The following RIF1 variants were observed in gnomAD, a reference collection of about 807,000 sequenced individuals.
RIF1 encodes telomere-associated protein RIF1.
RIF1 carries 45 observed loss-of-function variants against 247.1 expected under a neutral mutation model. That is an observed-to-expected ratio of 0.18 (90% CI 0.14 to 0.23). The LOEUF is 0.23. RIF1 is among the 10% of genes least tolerant of loss of function. The probability of loss-of-function intolerance (pLI) is 1.00; values close to 1 mark genes in which losing one functional copy is unlikely to be tolerated. For missense variants in RIF1, 2,967 were observed against 2,862.5 expected (o/e 1.04, Z -0.83); for synonymous variants, 1,087 against 978.8 (o/e 1.11, Z -2.06).
At chr2:151,446,628 C>G (rs561548675) in intron 20 of RIF1, 53 bp downstream of exon 20, 20 of 1,545,576 alleles carry the variant, frequency 1.3e-5, no homozygotes, top group Non-Finnish European at 1.8e-5. Flanking sequence ...GGATTCTTTT[C>G]AAGTAAATGG....
At chr2:151,518,283 T>C in the RIF1 span, 1 of 1,424,524 alleles carries the variant, frequency 7.0e-7, no homozygotes, top group Non-Finnish European at 9.9e-7. Context: ...TGGATGAATG[T>C]GCGCCAGAGG....
At chr2:151,446,708 A>C in intron 20 of RIF1, 133 bp downstream of exon 20, 1 of 899,622 alleles carries the variant, frequency 1.1e-6, no homozygotes, top group Non-Finnish European at 1.8e-6. Context: ...ACTGCAAACA[A>C]GTATGCTTTG....
the RIF1 span, chr2:151,527,711 G>T: frequency 1.5e-6 from 1 of 671,522 alleles, no homozygotes; most frequent in Non-Finnish European, 2.5e-6. Flanking sequence ...GCAAGAGGAA[G>T]CCCCAATTGA....
In RIF1 at chr2:151,476,907, G is replaced by A. The variant is rs1323999578; in HGVS notation, c.*1836G>A. 1 of 152,122 alleles carries A rather than the reference G, an allele frequency of 6.6e-6. No homozygotes were observed. Among genetic ancestry groups the A allele is most frequent in the Non-Finnish European group, 1.5e-5 (1 of 68,020 alleles). The allele number at this position is 152,122 out of a possible 1,614,324, so 9.4% of individuals were successfully genotyped here. On this transcript the variant is annotated 3_prime_UTR_variant, in exon 36 of 36. Transcript: ENST00000444746. The stretch of plus-strand genomic sequence containing the variant: ...CACACTTCAGAATTAAAATCAGTTC[G>A]TTTCATGACTCTGTGCCTTAACGTT...
rs1420109310 is a variant in RIF1, at chr2:151,410,038, G to C, written c.-11+5G>C. The stretch of plus-strand genomic sequence containing the variant: ...ACCCTGTCCTGATCTTCCTAGGTGG[G>C]ATAAATATCGGGGTGACAGTGGTAG... On this transcript the variant is annotated splice_donor_5th_base_variant and intron_variant, in intron 1 of 35. Coordinates refer to ENST00000444746, the MANE Select transcript of RIF1 (RefSeq NM_018151.5). 1.4e-6 allele frequency: 1 copy of C among 702,946 alleles called. No homozygotes were observed. The highest frequency in any genetic ancestry group is 2.6e-6 in the Non-Finnish European group (1 of 384,942). 43.5% of individuals were successfully genotyped at this position (702,946 alleles called of 1,614,324 possible).
intron 9 of RIF1, among the ~76,000 whole-genome samples, chr2:151,431,965 A>ATGT (rs2152307534): frequency 6.6e-6 from 1 of 152,280 alleles, no homozygotes; most frequent in African/African-American, 2.4e-5. Flanking sequence ...CCATTCCACC[A>ATGT]AATACATGGC....
At chr2:151,524,542 G>C in the RIF1 span, 1 of 1,613,678 alleles carries the variant, frequency 6.2e-7, no homozygotes, top group Non-Finnish European at 8.5e-7. Context: ...CTGCCTGTGT[G>C]GCCTTCTTGA....
At chr2:151,473,893 C>G in intron 34 of RIF1, 71 bp from the exon 35 acceptor site, 1 of 798,022 alleles carries the variant, frequency 1.3e-6, no homozygotes. Flanking sequence ...ACTATTACTC[C>G]TATTAAAAGT....
At position 151,490,409 on chromosome 2, in the gene RIF1, C is replaced by G. The variant is rs1390774664; in HGVS notation, c.*416-4820C>G. The G allele has an allele frequency of 1.3e-6, 2 of 1,596,508 alleles. No individual in the cohort carries two copies. The highest frequency in any genetic ancestry group is 1.7e-6 in the Non-Finnish European group (2 of 1,170,998). On this transcript the variant is annotated intron_variant and NMD_transcript_variant, in intron 9 of 13. Transcript: ENST00000454583. ...CAAAGACACCCCCGTCGCTGTAAGT[C>G]GAAAGGTGGTGGTCTGGTGCTTCTG...
intron 21 of RIF1, among the ~76,000 whole-genome samples, chr2:151,452,177 C>T (rs1038704431): frequency 1.3e-5 from 2 of 152,164 alleles, no homozygotes; most frequent in African/African-American, 2.4e-5. Flanking sequence ...CAAAGTTTAA[C>T]TCATCGTTTA....
chr2:151,410,931 G>C (rs1573818232), intron 2 of RIF1, among the ~76,000 whole-genome samples: 1 of 151,878 alleles, frequency 6.6e-6, no homozygotes, highest in Admixed American at 6.6e-5. Context: ...AATTTTCATA[G>C]AAATGTACTA....
intron 9 of RIF1, chr2:151,495,019 G>A (rs1479589964): frequency 6.6e-6 from 1 of 152,162 alleles, no homozygotes. Flanking sequence ...TAAAACTGTA[G>A]GCCCTCAGAC....
At chr2:151,445,960 T>C (rs1423772355) in intron 19 of RIF1, among the ~76,000 whole-genome samples, 1 of 152,252 alleles carries the variant, frequency 6.6e-6, no homozygotes, top group African/African-American at 2.4e-5. Context: ...TTATTTCCTC[T>C]CTTCAGTTAG....
intron 9 of RIF1, among the ~76,000 whole-genome samples, chr2:151,431,848 T>C (rs755019797): frequency 1.3e-5 from 2 of 152,060 alleles, no homozygotes; most frequent in South Asian, 4.1e-4. Context: ...AAAGGAAGTG[T>C]CTTGGACTGG....
chr2:151,469,194 T>C (rs1448750490), intron 33 of RIF1, among the ~76,000 whole-genome samples: 2 of 152,220 alleles, frequency 1.3e-5, no homozygotes, highest in Non-Finnish European at 2.9e-5. Context: ...CCTTGATGTT[T>C]TAAGTCTTGG....
In RIF1 at chr2:151,440,091, A is replaced by G; in HGVS notation, c.1611A>G (p.Ile537Met). ...LTLLLKSLES[I>M]VKSEVFPVSK... ...TCTTATTAAAGTCTTTGGAAAGCAT[A>G]GTAAAGTCTGAAGTATTTCCTGTAT... Residue 537 changes from isoleucine to methionine, a missense_variant, in exon 15 of 36, where the codon ATA (isoleucine) becomes ATG (methionine). Physicochemically the swap from Ile to Met is conservative, Grantham distance 10 (BLOSUM62 1). Transcript: ENST00000444746. 2 of 1,599,534 alleles carry G rather than the reference A, an allele frequency of 1.3e-6. No individual in the cohort carries two copies. Among genetic ancestry groups the G allele is most frequent in the Non-Finnish European group, 1.7e-6 (2 of 1,172,132 alleles).
At chr2:151,456,727 CTTCT>C (rs1224416823) in intron 23 of RIF1, 107 bp downstream of exon 23, 13 of 629,998 alleles carry the variant, frequency 2.1e-5, no homozygotes, top group African/African-American at 3.8e-5. Flanking sequence ...GGGGTTATTC[CTTCT>C]TTCTTTCTTT....
At chr2:151,474,210 C>T in intron 35 of RIF1, 138 bp downstream of exon 35, 1 of 610,624 alleles carries the variant, frequency 1.6e-6, no homozygotes, top group Middle Eastern at 4.7e-4. Flanking sequence ...ATATGAAAAA[C>T]TAACCGATTG....
intron 32 of RIF1, 30 bp from the exon 33 acceptor site, chr2:151,468,611 T>C (rs1262666886): frequency 3.1e-6 from 5 of 1,605,832 alleles, no homozygotes; most frequent in Middle Eastern, 1.7e-4. Context: ...AGTTGACCTC[T>C]GTGTAACAGC....
Sources: gnomAD v4.1 joint callset for allele counts (sites outside exome capture counted in the v4.1 genomes callset) on GRCh38, gnomAD v4.1.1 for gene constraint, MANE v1.5 for transcripts, NCBI Gene and HGNC (gene_info 2026-07-23, HGNC 2026-07-21) for gene names.